The following CYP7B1 variants were observed in gnomAD, a reference collection of about 807,000 sequenced individuals.
CYP7B1 encodes the protein cytochrome P450 7B1.
Under a neutral mutation model 42.7 loss-of-function variants are expected in CYP7B1, and 29 were observed. The observed-to-expected ratio is 0.68, with a 90% CI of 0.51 to 0.93. The LOEUF (loss-of-function observed/expected upper bound fraction) is 0.93, where lower values mean the gene tolerates loss of function less well. Among genes scored for constraint, CYP7B1 ranks in the 40% least tolerant of loss-of-function variants. The pLI, the probability that CYP7B1 is intolerant of heterozygous loss-of-function variation, is 0.00. For synonymous variants in CYP7B1, 235 were observed against 218.2 expected (o/e 1.08, Z -0.68); for missense variants, 655 against 600.5 (o/e 1.09, Z -0.95).
In CYP7B1 at chr8:64,658,544, T is replaced by A. The variant is rs114316377; in HGVS notation, c.123-34005A>T. 3.7e-3 allele frequency among the ~76,000 whole-genome samples: 564 copies of A among 152,334 alleles called. 3 individuals are homozygous for A. Among genetic ancestry groups the A allele is most frequent in the African/African-American group, 0.013 (527 of 41,580 alleles). Reference sequence around the variant, plus strand: ...TTTAGTGACTCATCACACCCTTTTCTAAGTTTGGATCAGTTTCTAGCATTT... The same window carrying A: ...TTTAGTGACTCATCACACCCTTTTCAAAGTTTGGATCAGTTTCTAGCATTT... On this transcript the variant is annotated intron_variant, in intron 1 of 5. Transcript: ENST00000310193.
chr8:64,710,033 C>CT (rs1807058171), intron 1 of CYP7B1, among the ~76,000 whole-genome samples: 1 of 152,050 alleles, frequency 6.6e-6, no homozygotes, highest in Admixed American at 6.6e-5. Flanking sequence ...AACAATGGCA[C>CT]TCGGCTCATT....
At chr8:64,750,532 A>G (rs532082885) in intron 1 of CYP7B1, among the ~76,000 whole-genome samples, 2 of 152,340 alleles carry the variant, frequency 1.3e-5, no homozygotes, top group South Asian at 4.1e-4. Context: ...TCTGTTTCCC[A>G]ACTTGATCCA....
At chr8:64,666,578 C>T (rs925561091) in intron 1 of CYP7B1, among the ~76,000 whole-genome samples, 3 of 151,958 alleles carry the variant, frequency 2.0e-5, no homozygotes, top group Non-Finnish European at 2.9e-5. Context: ...TGTGTCTGAC[C>T]CCTGGGGCAG....
intron 1 of CYP7B1, among the ~76,000 whole-genome samples, chr8:64,705,685 T>C (rs1806988643): frequency 6.6e-6 from 1 of 152,012 alleles, no homozygotes; most frequent in African/African-American, 2.4e-5. Flanking sequence ...ATATATGGCT[T>C]GGTGATGATA....
chr8:64,664,687 G>A (rs1806249529), intron 1 of CYP7B1, among the ~76,000 whole-genome samples: 1 of 152,166 alleles, frequency 6.6e-6, no homozygotes, highest in African/African-American at 2.4e-5. Flanking sequence ...ACTTTCTCTT[G>A]ATGAGTGCAA....
intron 1 of CYP7B1, among the ~76,000 whole-genome samples, chr8:64,702,135 A>C: frequency 6.6e-6 from 1 of 152,070 alleles, no homozygotes; most frequent in East Asian, 1.9e-4. Context: ...TATCTAACAA[A>C]TAAACATGAC....
At chr8:64,613,260 G>A (rs1254996299) in intron 4 of CYP7B1, among the ~76,000 whole-genome samples, 1 of 152,148 alleles carries the variant, frequency 6.6e-6, no homozygotes, top group Admixed American at 6.6e-5. Context: ...TCTAGCTCTA[G>A]CTATGGGCTT....
intron 1 of CYP7B1, among the ~76,000 whole-genome samples, chr8:64,678,216 T>C (rs986001798): frequency 2.6e-5 from 4 of 152,078 alleles, no homozygotes; most frequent in African/African-American, 7.2e-5. Flanking sequence ...TTCCTGCTTG[T>C]TGAGAAGGAG....
At chr8:64,688,698 G>C (rs559448222) in intron 1 of CYP7B1, among the ~76,000 whole-genome samples, 4 of 152,194 alleles carry the variant, frequency 2.6e-5, no homozygotes, top group Non-Finnish European at 5.9e-5. Flanking sequence ...GCTGAGGCGG[G>C]TGGATCACTT....
At chr8:64,710,536 T>G (rs1807065125) in intron 1 of CYP7B1, among the ~76,000 whole-genome samples, 1 of 152,234 alleles carries the variant, frequency 6.6e-6, no homozygotes, top group African/African-American at 2.4e-5. Flanking sequence ...TCTTAGACTT[T>G]TCTTACATCC....
chr8:64,773,644 G>T (rs1020918759), intron 1 of CYP7B1, among the ~76,000 whole-genome samples: 1 of 152,158 alleles, frequency 6.6e-6, no homozygotes, highest in Non-Finnish European at 1.5e-5. Context: ...ATTTTCTGTT[G>T]CTATAACAGA....
chr8:64,615,227 G>C lies in CYP7B1; in HGVS notation c.856C>G (p.His286Asp), dbSNP rs539497763. The C allele has an allele frequency of 3.1e-6, 5 of 1,612,298 alleles. No homozygotes were observed. In the South Asian group the frequency reaches 5.5e-5, roughly 18 times the overall value. ...VHEDLEIGAH[H>D]LGFLWASVAN... is the part of the protein sequence containing the mutation. ...ACAGAGGCCCAGAGAAAGCCTAAATGATGTGCTGGGAGAAAATAAGTGAAA... is the reference window on the plus strand; with the variant it reads ...ACAGAGGCCCAGAGAAAGCCTAAATCATGTGCTGGGAGAAAATAAGTGAAA... The change falls in exon 4 of 6, where the codon CAT becomes GAT. Residue 286 changes from histidine (H) to aspartate (D), a missense_variant. Transcript: ENST00000310193.
intron 1 of CYP7B1, among the ~76,000 whole-genome samples, chr8:64,667,805 A>T (rs536457509): frequency 1.2e-3 from 176 of 152,268 alleles, no homozygotes; most frequent in African/African-American, 3.9e-3. Context: ...TTCTTTTTAC[A>T]TTCTAAAGAA....
rs1348996876 is a variant in CYP7B1 at position 64,595,353 on chromosome 8, A to C, written c.*1289T>G. Reference sequence around the variant, plus strand: ...TTTTTAAAGTCAGTTTCCTTTTCTCAAAACAGTAGCAGATTTCTGAAATAT... The same window carrying C: ...TTTTTAAAGTCAGTTTCCTTTTCTCCAAACAGTAGCAGATTTCTGAAATAT... On this transcript the variant is annotated 3_prime_UTR_variant, in exon 6 of 6. Transcript: ENST00000310193. Among the ~76,000 whole-genome samples the C allele has an allele frequency of 2.0e-5, 3 of 152,236 alleles. No individual in the cohort carries two copies. The highest frequency in any genetic ancestry group is 4.4e-5 in the Non-Finnish European group (3 of 68,034).
chr8:64,676,736 A>G (rs1806451584), intron 1 of CYP7B1, among the ~76,000 whole-genome samples: 1 of 152,026 alleles, frequency 6.6e-6, no homozygotes, highest in Admixed American at 6.6e-5. Flanking sequence ...TACACTCTTA[A>G]TTCAGTATTA....
At chr8:64,783,105 C>G (rs1366604053) in intron 1 of CYP7B1, among the ~76,000 whole-genome samples, 1 of 152,194 alleles carries the variant, frequency 6.6e-6, no homozygotes, top group Non-Finnish European at 1.5e-5. Context: ...GTTCAGCATA[C>G]TCTTGAATAG....
intron 2 of CYP7B1, 46 bp downstream of exon 2, chr8:64,624,357 T>G (rs760523463): frequency 6.4e-7 from 1 of 1,571,352 alleles, no homozygotes; most frequent in East Asian, 2.2e-5. Flanking sequence ...AAAGAACAAG[T>G]GAAAAATGAT....
chr8:64,791,829 T>C (rs1482977920), intron 1 of CYP7B1, among the ~76,000 whole-genome samples: 2 of 152,152 alleles, frequency 1.3e-5, no homozygotes, highest in Non-Finnish European at 2.9e-5. Context: ...TGGAGTTGGG[T>C]AATGGGCAAA....
chr8:64,617,688 C>CTG (rs774427486), intron 2 of CYP7B1, among the ~76,000 whole-genome samples: 41 of 151,052 alleles, frequency 2.7e-4, no homozygotes, highest in African/African-American at 7.0e-4. Context: ...GTCTGTGTGT[C>CTG]TGTGTGTGTG....
Sources: allele counts gnomAD v4.1 joint callset (sites outside exome capture counted in the v4.1 genomes callset), GRCh38; gene constraint gnomAD v4.1.1; transcripts MANE v1.5; gene names NCBI Gene and HGNC (gene_info 2026-07-23, HGNC 2026-07-21).